ASPA: variants seen among roughly 807,000 people sequenced by gnomAD.
ASPA encodes the protein aspartoacylase.
ASPA carries 25 observed loss-of-function variants against 29.6 expected under a neutral mutation model. The ratio of observed to expected loss-of-function variants is 0.85; its 90% CI spans 0.62 to 1.18. The LOEUF is 1.18. Among genes scored for constraint, ASPA ranks in the 50% most tolerant of loss-of-function variants. The probability of loss-of-function intolerance (pLI) is 0.00; values close to 1 mark genes in which losing one functional copy is unlikely to be tolerated. For missense variants in ASPA, 333 were observed against 385.7 expected (o/e 0.86, Z 1.14); for synonymous variants, 131 against 130.3 (o/e 1.01, Z -0.04).
Position 3,481,723 on chromosome 17 carries a change from C to G in ASPA, c.357C>G (p.Thr119=). 1.2e-6 allele frequency: 2 copies of G among 1,613,754 alleles called. No individual in the cohort carries two copies. The highest frequency in any genetic ancestry group is 8.5e-7 in the Non-Finnish European group (1 of 1,179,820). The change falls in exon 2 of 6, where the codon ACC becomes ACG. Residue 119 remains threonine (T), a synonymous_variant. Transcript: ENST00000263080. ...TTATTTTTGACCTTCACAACACCAC[C>G]TCTAACATGGGGTGCACTCTTATTC... ...YDIIFDLHNT[T]SNMGCTLILE...
intron 3 of ASPA, among the ~76,000 whole-genome samples, chr17:3,484,525 G>C (rs1444483139): frequency 6.6e-6 from 1 of 152,048 alleles, no homozygotes; most frequent in Non-Finnish European, 1.5e-5. Flanking sequence ...TGTGTTTGGG[G>C]GAGGAAAGGA....
intron 3 of ASPA, among the ~76,000 whole-genome samples, chr17:3,487,177 G>A (rs2073739402): frequency 6.6e-6 from 1 of 152,116 alleles, no homozygotes; most frequent in Non-Finnish European, 1.5e-5. Context: ...TGAGAACAGA[G>A]TACAAAGGTG....
intron 1 of ASPA, among the ~76,000 whole-genome samples, chr17:3,477,108 T>C (rs1053720299): frequency 1.3e-5 from 2 of 151,830 alleles, no homozygotes; most frequent in Admixed American, 1.3e-4. Context: ...TGAGCCAAGA[T>C]TGTGCCACTG....
intron 1 of ASPA, among the ~76,000 whole-genome samples, chr17:3,479,508 GCTGAT>G (rs1310916301): frequency 6.6e-6 from 1 of 152,174 alleles, no homozygotes; most frequent in African/African-American, 2.4e-5. Context: ...GCTGTCCAGG[GCTGAT>G]GGAGCGGCCA....
chr17:3,481,147 T>G (rs2073620395), intron 1 of ASPA, among the ~76,000 whole-genome samples: 1 of 152,092 alleles, frequency 6.6e-6, no homozygotes, highest in Non-Finnish European at 1.5e-5. Context: ...TAAAATGATC[T>G]CTAATTAGAT....
At position 3,500,525 on chromosome 17, in the gene ASPA, C is replaced by G. The variant is rs1163422546; in HGVS notation, c.*1437C>G. ...CTTGTTTTTTGTTTTTTTTTTGAGA[C>G]GGAGTCTTGCTCTGTCGTCCAGGCT... On this transcript the variant is annotated 3_prime_UTR_variant, in exon 6 of 6. Coordinates refer to ENST00000263080, the MANE Select transcript of ASPA (RefSeq NM_000049.4). The G allele has an allele frequency of 5.8e-5, 1 of 17,232 alleles. No homozygotes were observed. Among genetic ancestry groups the G allele is most frequent in the Non-Finnish European group, 2.5e-4 (1 of 4,076 alleles). The allele number at this position is 17,232 out of a possible 1,614,324, so 1.1% of individuals were successfully genotyped here.
intron 1 of ASPA, among the ~76,000 whole-genome samples, chr17:3,477,412 G>A (rs2073544650): frequency 6.6e-6 from 1 of 152,082 alleles, no homozygotes; most frequent in Non-Finnish European, 1.5e-5. Context: ...CTACCACTGT[G>A]GATATAATAT....
rs2073980275 is a variant in ASPA, at chr17:3,500,754, T to A, written c.*1666T>A. 2 of 152,154 alleles carry A rather than the reference T, an allele frequency of 1.3e-5. No homozygotes were observed. The highest frequency in any genetic ancestry group is 4.8e-5 in the African/African-American group (2 of 41,386). 9.4% of individuals were successfully genotyped at this position (152,154 alleles called of 1,614,324 possible). A position where few individuals can be genotyped will look rare whatever the true frequency, so the allele number is the denominator to read the frequency against. On this transcript the variant is annotated 3_prime_UTR_variant, in exon 6 of 6. Transcript: ENST00000263080. The stretch of plus-strand genomic sequence containing the variant: ...CTCCTGACCTCATGATCCGCCTGCC[T>A]CGGCCTCCCAAAGTGCTGGGATTAC...
chr17:3,476,561 GC>G (rs1261424532), intron 1 of ASPA, among the ~76,000 whole-genome samples, 166 bp downstream of exon 1: 1 of 152,194 alleles, frequency 6.6e-6, no homozygotes, highest in Non-Finnish European at 1.5e-5. Flanking sequence ...ATTGTGAATT[GC>G]ACAATTATCT....
rs149842031 is a variant in ASPA at position 3,494,418 on chromosome 17, G to A, written c.703G>A (p.Glu235Lys). 1,463 of 1,612,546 alleles carry A rather than the reference G, an allele frequency of 9.1e-4. 19 individuals carry two copies. The African/African-American group carries it at 0.017, about 19-fold the overall frequency. The part of the protein sequence containing the change: ...IIEKVDYPRD[E>K]NGEIAAIIHP... The stretch of plus-strand genomic sequence containing the variant: ...AGAGAAAGTTGATTACCCCCGGGAT[G>A]AAAATGGAGAAATTGCTGCTATCAT... Residue 235 changes from glutamate (E) to lysine (K), a missense_variant, in exon 5 of 6, where the codon GAA (glutamate) becomes AAA (lysine). By Grantham distance (56) the Glu-to-Lys change is moderately conservative. Coordinates refer to ENST00000263080, the MANE Select transcript of ASPA (RefSeq NM_000049.4).
chr17:3,496,889 AC>A (rs1210534411), intron 5 of ASPA, among the ~76,000 whole-genome samples: 1 of 151,972 alleles, frequency 6.6e-6, no homozygotes, highest in Non-Finnish European at 1.5e-5. Flanking sequence ...ACACGGTGAA[AC>A]CCCATCTCTA....
At chr17:3,497,943 G>A (rs563880930) in intron 5 of ASPA, among the ~76,000 whole-genome samples, 3 of 152,204 alleles carry the variant, frequency 2.0e-5, no homozygotes, top group Admixed American at 6.6e-5. Context: ...TGGGGTTCCC[G>A]TGGTGTGACA....
chr17:3,480,449 C>T (rs2073607942), intron 1 of ASPA, among the ~76,000 whole-genome samples: 1 of 152,154 alleles, frequency 6.6e-6, no homozygotes, highest in African/African-American at 2.4e-5. Flanking sequence ...TGGAGCTGTC[C>T]TCTTGCGCTG....
chr17:3,482,309 A>G (rs1053874120), intron 2 of ASPA, among the ~76,000 whole-genome samples: 3 of 152,174 alleles, frequency 2.0e-5, no homozygotes, highest in Non-Finnish European at 4.4e-5. Context: ...CCTCGTCCCC[A>G]TTTGATTTAG....
chr17:3,481,735 G>T lies in ASPA; in HGVS notation c.369G>T (p.Gly123=), dbSNP rs768152290. 2.5e-6 allele frequency: 4 copies of T among 1,613,628 alleles called. No individual in the cohort carries two copies. The highest frequency in any genetic ancestry group is 3.4e-6 in the Non-Finnish European group (4 of 1,179,770). The change falls in exon 2 of 6, where the codon GGG becomes GGT. Residue 123 remains glycine (G), a synonymous_variant. Transcript: ENST00000263080. ...FDLHNTTSNM[G]CTLILEDSRN... ...TTCACAACACCACCTCTAACATGGG[G>T]TGCACTCTTATTCTTGAGGATTCCA...
chr17:3,476,386 A>C lies in ASPA; in HGVS notation c.227A>C (p.Glu76Ala). Residue 76 changes from glutamate (E) to alanine (A), a missense_variant, in exon 1 of 6, where the codon GAA (glutamate) becomes GCA (alanine). By Grantham distance (107) the Glu-to-Ala change is moderately radical. Coordinates refer to ENST00000263080, the MANE Select transcript of ASPA (RefSeq NM_000049.4). ...GACCTGAATCGCATTTTTGACCTTG[A>C]AAATCTTGGGTAAGACTATGCTTTG... ...DCDLNRIFDL[E>A]NLGKKMSEDL... The C allele has an allele frequency of 6.2e-7, 1 of 1,613,974 alleles. No homozygotes were observed. Among genetic ancestry groups the C allele is most frequent in the Non-Finnish European group, 8.5e-7 (1 of 1,179,978 alleles).
At chr17:3,477,999 G>A (rs1274812900) in intron 1 of ASPA, among the ~76,000 whole-genome samples, 1 of 151,488 alleles carries the variant, frequency 6.6e-6, no homozygotes, top group Non-Finnish European at 1.5e-5. Context: ...TGGCTAACAC[G>A]GTAAAACCCC....
At chr17:3,493,864 G>A (rs1480598176) in intron 4 of ASPA, among the ~76,000 whole-genome samples, 1 of 152,126 alleles carries the variant, frequency 6.6e-6, no homozygotes, top group African/African-American at 2.4e-5. Flanking sequence ...CCGTCGGCGT[G>A]TTTGTGGACA....
intron 5 of ASPA, among the ~76,000 whole-genome samples, chr17:3,495,733 T>A (rs1265047601): frequency 3.3e-5 from 5 of 152,136 alleles, no homozygotes; most frequent in Non-Finnish European, 5.9e-5. Flanking sequence ...CACACCCGGC[T>A]AACTTTTGTA....
Sources: gnomAD v4.1 joint callset for allele counts (sites outside exome capture counted in the v4.1 genomes callset) on GRCh38, gnomAD v4.1.1 for gene constraint, MANE v1.5 for transcripts, NCBI Gene and HGNC (gene_info 2026-07-23, HGNC 2026-07-21) for gene names.